TPM4: variants seen among roughly 807,000 people sequenced by gnomAD.
The protein encoded by TPM4 is tropomyosin 4.
TPM4 carries 17 observed loss-of-function variants against 35.8 expected under a neutral mutation model. The observed-to-expected ratio is 0.47, with a 90% confidence interval of 0.32 to 0.71. TPM4 has a LOEUF of 0.71. Among genes scored for constraint, TPM4 ranks in the 30% least tolerant of loss-of-function variants. The pLI, the probability that TPM4 is intolerant of heterozygous loss-of-function variation, is 0.03. For synonymous variants in TPM4, 120 were observed against 122.9 expected (o/e 0.98, Z 0.15); for missense variants, 240 against 320.9 (o/e 0.75, Z 1.93).
At chr19:16,071,729 C>G (rs1249705972), upstream of TPM4, among the ~76,000 whole-genome samples, 1 of 152,220 alleles carries the variant, frequency 6.6e-6, no homozygotes, top group South Asian at 2.1e-4. Context: ...CTCGGGCCAG[C>G]CTGATCCCAG....
chr19:16,102,460 A>T lies in TPM4; in HGVS notation c.*1114A>T, dbSNP rs1258332388. ...AGGTCAGCCATATCCAAAAGACCAC[A>T]AGTCATTACTAAGTTGAGCAAAAGA... On this transcript the variant is annotated 3_prime_UTR_variant, in exon 8 of 8. Coordinates refer to ENST00000643579, the MANE Select transcript of TPM4 (RefSeq NM_003290.3). The T allele has an allele frequency of 4.4e-6, 1 of 225,486 alleles. No individual in the cohort carries two copies. The highest frequency in any genetic ancestry group is 8.8e-6 in the Non-Finnish European group (1 of 113,012). 14.0% of individuals were successfully genotyped at this position (225,486 alleles called of 1,614,324 possible).
At chr19:16,089,663 C>T (rs913611843) in intron 5 of TPM4, among the ~76,000 whole-genome samples, 16 of 143,730 alleles carry the variant, frequency 1.1e-4, no homozygotes, top group Non-Finnish European at 1.8e-4. Flanking sequence ...CACCTCCACC[C>T]CCCACTTTTT....
intron 7 of TPM4, chr19:16,095,416 G>C (rs913720536): frequency 9.7e-6 from 10 of 1,030,536 alleles, no homozygotes; most frequent in Non-Finnish European, 2.3e-6. Flanking sequence ...GCTTCTAGGA[G>C]CTCCGGTGGC....
At chr19:16,096,848 A>AG (rs757166546) in intron 7 of TPM4, among the ~76,000 whole-genome samples, 8 of 143,986 alleles carry the variant, frequency 5.6e-5, no homozygotes, top group Non-Finnish European at 1.2e-4. Context: ...ACCTTGCTTT[A>AG]GTTTAGAATA....
chr19:16,075,299 A>T (rs2090392438), upstream of TPM4: 1 of 152,148 alleles, frequency 6.6e-6, no homozygotes, highest in South Asian at 2.1e-4. Context: ...TGATGGGAGG[A>T]TAGGACTCTT....
chr19:16,098,202 G>A (rs1377192915), intron 7 of TPM4, among the ~76,000 whole-genome samples: 1 of 152,132 alleles, frequency 6.6e-6, no homozygotes, highest in African/African-American at 2.4e-5. Context: ...CAACACTTTG[G>A]GAGGCCAAGG....
chr19:16,087,738 G>A (rs1304747178), intron 3 of TPM4, among the ~76,000 whole-genome samples: 2 of 151,914 alleles, frequency 1.3e-5, no homozygotes, highest in African/African-American at 4.8e-5. Flanking sequence ...AAAATTAGCT[G>A]GGCGTGGTGG....
upstream of TPM4, among the ~76,000 whole-genome samples, chr19:16,073,180 A>G (rs549069976): frequency 8.3e-4 from 127 of 152,184 alleles, no homozygotes; most frequent in African/African-American, 2.9e-3. Flanking sequence ...CCTATCTCAA[A>G]AAAACAAAAA....
chr19:16,094,680 A>G (rs1312608646), intron 7 of TPM4, among the ~76,000 whole-genome samples: 2 of 151,898 alleles, frequency 1.3e-5, no homozygotes, highest in Non-Finnish European at 2.9e-5. Context: ...AAAAAAACAG[A>G]AATACAGAAA....
rs2090776948 is a variant in TPM4, at chr19:16,102,897, A to C, written c.*1551A>C. On this transcript the variant is annotated 3_prime_UTR_variant, in exon 8 of 8. Transcript: ENST00000643579. ...ACACTACCCAGGAAATACACTAGCA[A>C]ATTGTGCAATGGAATAAAATCCACA... The C allele has an allele frequency of 4.4e-6, 1 of 226,674 alleles. No individual in the cohort carries two copies. The highest frequency in any genetic ancestry group is 8.8e-6 in the Non-Finnish European group (1 of 114,164). The allele number at this position is 226,674 out of a possible 1,614,324, so 14.0% of individuals were successfully genotyped here. A position where few individuals can be genotyped will look rare whatever the true frequency, so the allele number is the denominator to read the frequency against.
chr19:16,068,817 T>A (rs1209321103), intron 2 of TPM4, among the ~76,000 whole-genome samples: 2 of 152,216 alleles, frequency 1.3e-5, no homozygotes, highest in East Asian at 3.8e-4. Context: ...GTGTTGTATG[T>A]GTCTGTTTTA....
chr19:16,076,964 G>T (rs1599363189), intron 1 of TPM4: 1 of 564,658 alleles, frequency 1.8e-6, no homozygotes, highest in East Asian at 4.5e-5. Flanking sequence ...GGGGGATGGG[G>T]CGGAGGGGGT....
At chr19:16,088,934 A>G in intron 4 of TPM4, 111 bp from the exon 5 acceptor site, 1 of 1,551,080 alleles carries the variant, frequency 6.4e-7, no homozygotes, top group Non-Finnish European at 8.7e-7. Context: ...TCTGCCCCCC[A>G]CCGGGGGAGC....
chr19:16,086,972 G>A (rs2090563104), intron 3 of TPM4, among the ~76,000 whole-genome samples: 1 of 152,108 alleles, frequency 6.6e-6, no homozygotes, highest in Admixed American at 6.6e-5. Flanking sequence ...GCCCCAGGAT[G>A]GCTCTTTCAG....
At chr19:16,069,698 A>G (rs201467070) in intron 2 of TPM4, among the ~76,000 whole-genome samples, 1 of 124,352 alleles carries the variant, frequency 8.0e-6, no homozygotes. Flanking sequence ...GTGTGTGGAT[A>G]AGTGTGTGTT....
chr19:16,093,207 T>C (rs1038349264), intron 5 of TPM4: 3 of 209,414 alleles, frequency 1.4e-5, no homozygotes, highest in Non-Finnish European at 2.9e-5. Context: ...TTGTTGTTTG[T>C]TTTTTTGAGA....
At chr19:16,069,578 TTC>T (rs756954980) in intron 2 of TPM4, among the ~76,000 whole-genome samples, 15 of 142,152 alleles carry the variant, frequency 1.1e-4, no homozygotes, top group Non-Finnish European at 2.0e-4. Flanking sequence ...GTGTGTGTGT[TTC>T]TATTGGTGTG....
chr19:16,071,330 G>A (rs185818655), intron 2 of TPM4, among the ~76,000 whole-genome samples: 22 of 152,274 alleles, frequency 1.4e-4, no homozygotes, highest in Non-Finnish European at 2.6e-4. Flanking sequence ...CCCAGTGGAG[G>A]TGCACACCTC....
intron 2 of TPM4, among the ~76,000 whole-genome samples, chr19:16,085,610 A>T (rs188862301): frequency 2.6e-5 from 4 of 152,314 alleles, no homozygotes; most frequent in African/African-American, 9.6e-5. Flanking sequence ...CTGGAGTCAG[A>T]CTGCCAAGGG....
Sources: allele counts gnomAD v4.1 joint callset (sites outside exome capture counted in the v4.1 genomes callset), GRCh38; gene constraint gnomAD v4.1.1; transcripts MANE v1.5; gene names NCBI Gene and HGNC (gene_info 2026-07-23, HGNC 2026-07-21).